Variants in VWA8 observed in about 807,000 individuals in gnomAD.
VWA8 encodes von Willebrand factor A domain-containing protein 8.
VWA8 carries 221 observed loss-of-function variants against 241.5 expected under a neutral mutation model. That is an observed-to-expected ratio of 0.91 (90% CI 0.82 to 1.02). VWA8 has a LOEUF of 1.02. Ranked by LOEUF, VWA8 falls within the 50% of genes least tolerant of loss-of-function variation. The pLI, the probability that VWA8 is intolerant of heterozygous loss-of-function variation, is 0.00. For synonymous variants in VWA8, 852 were observed against 827.1 expected, an observed-to-expected ratio of 1.03 and a Z score of -0.52; for missense variants, 2,322 against 2,328.7, an observed-to-expected ratio of 1.00 and a Z score of 0.06.
intron 42 of VWA8, among the ~76,000 whole-genome samples, chr13:41,578,846 T>C (rs1174461595): frequency 6.6e-6 from 1 of 152,176 alleles, no homozygotes; most frequent in Non-Finnish European, 1.5e-5. Flanking sequence ...TAAGCCACAG[T>C]AGTAAAGAAA....
intron 20 of VWA8, among the ~76,000 whole-genome samples, chr13:41,762,017 T>C (rs1334631160): frequency 6.6e-6 from 1 of 152,106 alleles, no homozygotes; most frequent in Non-Finnish European, 1.5e-5. Flanking sequence ...CTGATTCTTA[T>C]ATGGGTTGAG....
chr13:41,944,088 G>C (rs1463128648), intron 2 of VWA8, among the ~76,000 whole-genome samples: 2 of 150,704 alleles, frequency 1.3e-5, no homozygotes, highest in African/African-American at 4.9e-5. Context: ...CTGGGCGACA[G>C]AGCAAGACTC....
At chr13:41,906,442 A>C (rs951116823) in intron 4 of VWA8, among the ~76,000 whole-genome samples, 3 of 152,032 alleles carry the variant, frequency 2.0e-5, no homozygotes, top group African/African-American at 7.2e-5. Flanking sequence ...TTTTACCACA[A>C]ATGGGATCAC....
intron 21 of VWA8, among the ~76,000 whole-genome samples, chr13:41,737,057 C>T (rs1391492784): frequency 2.0e-5 from 3 of 151,732 alleles, no homozygotes; most frequent in African/African-American, 4.8e-5. Context: ...CTTGAACTCC[C>T]GACCTCAGGT....
Position 41,685,158 on chromosome 13 carries a change from T to G in VWA8, c.4216A>C (p.Lys1406Gln), listed in dbSNP as rs776661352. Residue 1406 changes from lysine to glutamine, a missense_variant, in exon 35 of 45, where the codon AAG becomes CAG. Transcript: ENST00000379310. ...GTDTSFYRGK[K>Q]KRGTPKQSNC... is the part of the protein sequence containing the mutation. ...CTTTGTTTTGGAGTCCCCCTTTTCT[T>G]CTTTCCTCTATAGAATGATGTATCA... The G allele has an allele frequency of 1.2e-6, 2 of 1,613,616 alleles. No homozygotes were observed. Among genetic ancestry groups the G allele is most frequent in the Non-Finnish European group, 1.7e-6 (2 of 1,179,740 alleles).
chr13:41,893,785 G>A (rs1305590640), intron 4 of VWA8, among the ~76,000 whole-genome samples: 2 of 152,184 alleles, frequency 1.3e-5, no homozygotes, highest in South Asian at 2.1e-4. Context: ...GTGGGAGGCT[G>A]AGGCAGGAGA....
chr13:41,878,956 GT>G (rs898066244), intron 9 of VWA8, among the ~76,000 whole-genome samples: 5 of 152,008 alleles, frequency 3.3e-5, no homozygotes, highest in Admixed American at 3.3e-4. Context: ...TCTTCTCTCA[GT>G]TTTTTTCACA....
At chr13:41,684,906 TC>T in intron 35 of VWA8, 140 bp downstream of exon 35, 2 of 727,036 alleles carry the variant, frequency 2.8e-6, no homozygotes, top group Non-Finnish European at 4.4e-6. Context: ...TACGGAGAGG[TC>T]TTTTTAGTTA....
intron 14 of VWA8, among the ~76,000 whole-genome samples, chr13:41,825,369 T>C (rs190117912): frequency 1.8e-4 from 28 of 152,324 alleles, no homozygotes; most frequent in African/African-American, 6.7e-4. Context: ...ATTACCGTTA[T>C]AACATTCATG....
At chr13:41,571,963 C>T (rs2139631441) in intron 43 of VWA8, among the ~76,000 whole-genome samples, 1 of 152,160 alleles carries the variant, frequency 6.6e-6, no homozygotes, top group East Asian at 1.9e-4. Context: ...ACCGGCCGCC[C>T]AGTCTGGGAT....
At position 41,799,345 on chromosome 13, in the gene VWA8, T is replaced by C. The variant is rs146100299; in HGVS notation, c.2064-11802A>G. ...TAAATGATCCCGGATAAGTTTTTCA[T>C]GTTAACTTAGTACTTTTTGGTTACT... On this transcript the variant is annotated intron_variant, in intron 17 of 44. Transcript: ENST00000379310. 2.6e-3 allele frequency among the ~76,000 whole-genome samples: 390 copies of C among 152,320 alleles called. 2 individuals are homozygous for C. The highest frequency in any genetic ancestry group is 9.0e-3 in the African/African-American group (374 of 41,552).
At position 41,833,527 on chromosome 13, in the gene VWA8, A is replaced by T; in HGVS notation, c.1430T>A (p.Met477Lys). The change falls in exon 13 of 45, where the codon ATG (methionine) becomes AAG (lysine). Residue 477 changes from methionine to lysine, a missense_variant. Transcript: ENST00000379310. Reference sequence around the variant, plus strand: ...CTGCTGTAGCAGATCACGCGCTGTCATATCCTAAAACAAATCCCCACCACC... The same window carrying T: ...CTGCTGTAGCAGATCACGCGCTGTCTTATCCTAAAACAAATCCCCACCACC... ...NIEPIMLYQDMTARDLLQQRY... is the reference protein window; with the variant it reads ...NIEPIMLYQDKTARDLLQQRY... The T allele has an allele frequency of 6.2e-7, 1 of 1,604,756 alleles. No homozygotes were observed.
chr13:41,793,149 T>C (rs1301688259), intron 17 of VWA8, among the ~76,000 whole-genome samples: 2 of 152,178 alleles, frequency 1.3e-5, no homozygotes, highest in Non-Finnish European at 2.9e-5. Flanking sequence ...TGCTTGTAGT[T>C]TACTAAGAAT....
intron 17 of VWA8, among the ~76,000 whole-genome samples, chr13:41,809,469 T>C (rs1443029037): frequency 6.6e-6 from 1 of 152,176 alleles, no homozygotes; most frequent in African/African-American, 2.4e-5. Context: ...AGTGAACTCA[T>C]TCTTGACAAA....
chr13:41,912,630 C>T (rs1876066199), intron 2 of VWA8, among the ~76,000 whole-genome samples: 2 of 152,208 alleles, frequency 1.3e-5, no homozygotes, highest in South Asian at 4.2e-4. Flanking sequence ...TAATGATTAT[C>T]ATAGTCTTAA....
intron 37 of VWA8, among the ~76,000 whole-genome samples, chr13:41,662,854 G>A (rs1305253465): frequency 6.6e-6 from 1 of 152,096 alleles, no homozygotes; most frequent in East Asian, 1.9e-4. Context: ...AAAATATGGT[G>A]CCAGCTGTGG....
At position 41,592,467 on chromosome 13, in the gene VWA8, T is replaced by C. The variant is rs1016356945; in HGVS notation, c.4987-1702A>G. ...ATGTACCCTAAAACTTAAAGTATAA[T>C]AATAAAAAAAATAAAATAAAATAAA... On this transcript the variant is annotated intron_variant, in intron 40 of 44. Coordinates refer to ENST00000379310, the MANE Select transcript of VWA8 (RefSeq NM_015058.2). 2.2e-5 allele frequency among the ~76,000 whole-genome samples: 3 copies of C among 134,500 alleles called. No homozygotes were observed. The Admixed American group carries it at 2.3e-4, about 10-fold the overall frequency. The allele number at this position is 134,500 out of a possible 152,430, so 88.2% of individuals were successfully genotyped here. A position where few individuals can be genotyped will look rare whatever the true frequency, so the allele number is the denominator to read the frequency against.
intron 34 of VWA8, among the ~76,000 whole-genome samples, chr13:41,686,460 A>G (rs1202024765): frequency 2.0e-5 from 3 of 151,840 alleles, no homozygotes; most frequent in Admixed American, 6.6e-5. Flanking sequence ...CTTATTTGCC[A>G]TCCCTCTATC....
intron 42 of VWA8, among the ~76,000 whole-genome samples, chr13:41,577,894 A>T (rs1171412510): frequency 6.6e-6 from 1 of 152,226 alleles, no homozygotes; most frequent in East Asian, 1.9e-4. Flanking sequence ...ATGGTCTGTC[A>T]CAGGGTCAAT....
Sources: allele counts gnomAD v4.1 joint callset (sites outside exome capture counted in the v4.1 genomes callset), GRCh38; gene constraint gnomAD v4.1.1; transcripts MANE v1.5; gene names NCBI Gene and HGNC (gene_info 2026-07-23, HGNC 2026-07-21).